Variants in TMED10 observed in about 807,000 individuals in gnomAD.
TMED10 encodes the protein transmembrane emp24 domain-containing protein 10.
TMED10 carries 7 observed loss-of-function variants against 23.1 expected under a neutral mutation model. The observed-to-expected ratio is 0.30, with a 90% CI of 0.17 to 0.57. The LOEUF is 0.57. Ranked by LOEUF, TMED10 falls within the 20% of genes least tolerant of loss-of-function variation. TMED10 has a pLI of 0.91. For synonymous variants in TMED10, 113 were observed against 106.9 expected, an observed-to-expected ratio of 1.06 and a Z score of -0.35; for missense variants, 162 against 274.8, an observed-to-expected ratio of 0.59 and a Z score of 2.90.
chr14:75,168,255 T>G (rs1896188830), intron 1 of TMED10, among the ~76,000 whole-genome samples: 1 of 152,158 alleles, frequency 6.6e-6, no homozygotes, highest in Admixed American at 6.5e-5. Flanking sequence ...TTCTATTATT[T>G]TAACTTGTTT....
At chr14:75,138,812 CTTTTTTTTTTTTT>C (rs59707221) in intron 3 of TMED10, among the ~76,000 whole-genome samples, 1 of 95,052 alleles carries the variant, frequency 1.1e-5, no homozygotes, top group Non-Finnish European at 2.1e-5. Flanking sequence ...GCCTTTGCTT[CTTTTTTTTTTTTT>C]TTTTTTTATT....
At chr14:75,152,998 T>G (rs1188998362) in intron 1 of TMED10, among the ~76,000 whole-genome samples, 1 of 152,204 alleles carries the variant, frequency 6.6e-6, no homozygotes, top group African/African-American at 2.4e-5. Flanking sequence ...GGCATATGCC[T>G]GTAGTCCCAG....
rs1189166410 is a variant in TMED10, at chr14:75,153,774, T to C, written c.226-1631A>G. On this transcript the variant is annotated intron_variant, in intron 1 of 4. Transcript: ENST00000303575. ...AGGGGTGAGACTTTCTATTTTTTTT[T>C]CCCTTTTTTTTTTTGAAATGGAGTC... 8.1e-4 allele frequency among the ~76,000 whole-genome samples: 97 copies of C among 119,988 alleles called. 1 individual carries two copies. The highest frequency in any genetic ancestry group is 2.3e-3 in the African/African-American group (84 of 35,778). 78.7% of individuals were successfully genotyped at this position (119,988 alleles called of 152,430 possible).
At position 75,133,441 on chromosome 14, in the gene TMED10, A is replaced by C. The variant is rs900272840; in HGVS notation, c.*1444T>G. The C allele has an allele frequency of 3.3e-5, 5 of 152,262 alleles. No individual in the cohort carries two copies. Among genetic ancestry groups the C allele is most frequent in the African/African-American group, 1.2e-4 (5 of 41,466 alleles). 9.4% of individuals were successfully genotyped at this position (152,262 alleles called of 1,614,324 possible). ...GCAAATTAAAACCACATGTGGTATC[A>C]TTACACACATCTATGTGAATGGTTA... On this transcript the variant is annotated 3_prime_UTR_variant, in exon 5 of 5. Coordinates refer to ENST00000303575, the MANE Select transcript of TMED10 (RefSeq NM_006827.6).
In TMED10 at chr14:75,134,310, T is replaced by G. The variant is rs189896469; in HGVS notation, c.*575A>C. On this transcript the variant is annotated 3_prime_UTR_variant, in exon 5 of 5. Coordinates refer to ENST00000303575, the MANE Select transcript of TMED10 (RefSeq NM_006827.6). ...CATTTTCTTTAAGAGTTATCTACAGTTCAAAGCTCACTTTTATGAGGTGTC... is the reference window on the plus strand; with the variant it reads ...CATTTTCTTTAAGAGTTATCTACAGGTCAAAGCTCACTTTTATGAGGTGTC... The G allele has an allele frequency of 1.3e-5, 2 of 154,384 alleles. No individual in the cohort carries two copies. The highest frequency in any genetic ancestry group is 3.8e-4 in the East Asian group (2 of 5,216). The allele number at this position is 154,384 out of a possible 1,614,324, so 9.6% of individuals were successfully genotyped here. A position where few individuals can be genotyped will look rare whatever the true frequency, so the allele number is the denominator to read the frequency against.
rs561961958 is a variant in TMED10 at position 75,134,271 on chromosome 14, A to G, written c.*614T>C. On this transcript the variant is annotated 3_prime_UTR_variant, in exon 5 of 5. Coordinates refer to ENST00000303575, the MANE Select transcript of TMED10 (RefSeq NM_006827.6). ...CAAGCAGTTGAGCACAAATATTTTAATTGTCTAAAATGACATTTTCTTTAA... is the reference window on the plus strand; with the variant it reads ...CAAGCAGTTGAGCACAAATATTTTAGTTGTCTAAAATGACATTTTCTTTAA... The G allele has an allele frequency of 1.3e-5, 2 of 154,166 alleles. No individual in the cohort carries two copies. Among genetic ancestry groups the G allele is most frequent in the East Asian group, 1.9e-4 (1 of 5,206 alleles). The allele number at this position is 154,166 out of a possible 1,614,324, so 9.5% of individuals were successfully genotyped here.
chr14:75,134,894 C>T lies in TMED10; in HGVS notation c.651G>A (p.Leu217=). The change falls in exon 5 of 5, where the codon TTG becomes TTA. Residue 217 remains leucine, a synonymous_variant. Coordinates refer to ENST00000303575, the MANE Select transcript of TMED10 (RefSeq NM_006827.6). ...GAATATGCCTCATTCATTACTCAAT[C>T]AATTTCTTGGCCTTGAAGAAGCGTC... ...YLRRFFKAKK[L]IE The T allele has an allele frequency of 6.2e-7, 1 of 1,613,952 alleles. No homozygotes were observed. The highest frequency in any genetic ancestry group is 2.2e-5 in the East Asian group (1 of 44,878).
chr14:75,139,151 CT>C, intron 3 of TMED10: 1 of 452,334 alleles, frequency 2.2e-6, no homozygotes, highest in South Asian at 1.6e-5. Context: ...CTTTCCACAC[CT>C]TTTCTTCTGA....
In TMED10 at chr14:75,134,920, G is replaced by C; in HGVS notation, c.625C>G (p.Arg209Gly). 6.2e-7 allele frequency: 1 copy of C among 1,614,004 alleles called. No individual in the cohort carries two copies. Among genetic ancestry groups the C allele is most frequent in the Non-Finnish European group, 8.5e-7 (1 of 1,179,970 alleles). Reference protein sequence around the residue: ...GLATWQVFYLRRFFKAKKLIE With the variant: ...GLATWQVFYLGRFFKAKKLIE ...AATTTCTTGGCCTTGAAGAAGCGTC[G>C]CAGGTAGAAGACCTGCCAGGTAGCT... The change falls in exon 5 of 5, where the codon CGA (arginine) becomes GGA (glycine). Residue 209 changes from arginine to glycine, a missense_variant. This residue lies in a region of TMED10 where 126 missense variants were observed against 239.5 expected (regional missense o/e 0.53). Transcript: ENST00000303575.
chr14:75,171,952 A>G (rs1896239517), intron 1 of TMED10, among the ~76,000 whole-genome samples: 1 of 151,100 alleles, frequency 6.6e-6, no homozygotes, highest in African/African-American at 2.4e-5. Context: ...TTTACACTTT[A>G]AGTTCTGGAG....
intron 1 of TMED10, among the ~76,000 whole-genome samples, chr14:75,161,290 G>T: frequency 6.6e-6 from 1 of 152,004 alleles, no homozygotes; most frequent in East Asian, 1.9e-4. Flanking sequence ...AACTTCAAAA[G>T]GATCTATAAG....
At chr14:75,150,791 T>C (rs185935279) in intron 2 of TMED10, among the ~76,000 whole-genome samples, 8 of 152,364 alleles carry the variant, frequency 5.3e-5, no homozygotes, top group Admixed American at 5.2e-4. Flanking sequence ...ATACAGTCTC[T>C]TGCATAGAAC....
rs927954780 is a variant in TMED10 at position 75,152,289 on chromosome 14, A to T, written c.226-146T>A. ...TATGTTCCAACCATCCCCAAAGACA[A>T]AAACTGGATTAGAAGATTAAATCCA... On this transcript the variant is annotated intron_variant, in intron 1 of 4. Coordinates refer to ENST00000303575, the MANE Select transcript of TMED10 (RefSeq NM_006827.6). 1.6e-5 allele frequency: 10 copies of T among 637,488 alleles called. 1 individual carries two copies. The highest frequency in any genetic ancestry group is 5.4e-4 in the Middle Eastern group (2 of 3,720). 39.5% of individuals were successfully genotyped at this position (637,488 alleles called of 1,614,324 possible). A position where few individuals can be genotyped will look rare whatever the true frequency, so the allele number is the denominator to read the frequency against.
intron 1 of TMED10, among the ~76,000 whole-genome samples, chr14:75,165,833 G>A (rs1365587685): frequency 1.3e-5 from 2 of 152,132 alleles, no homozygotes; most frequent in African/African-American, 4.8e-5. Flanking sequence ...GATCAAGGAG[G>A]CTAGGAGGCT....
intron 1 of TMED10, among the ~76,000 whole-genome samples, chr14:75,152,796 G>A (rs533069130): frequency 8.5e-5 from 13 of 152,290 alleles, no homozygotes; most frequent in African/African-American, 2.6e-4. Context: ...ACTTTGGAAC[G>A]CCAAGGCAGG....
At chr14:75,175,624 G>A (rs1193124096) in intron 1 of TMED10, among the ~76,000 whole-genome samples, 1 of 151,842 alleles carries the variant, frequency 6.6e-6, no homozygotes, top group Non-Finnish European at 1.5e-5. Context: ...ATAGCATTAG[G>A]AGACATACCT....
intron 1 of TMED10, 146 bp from the exon 2 acceptor site, chr14:75,152,289 A>ATCCCC: frequency 1.6e-6 from 1 of 637,606 alleles, no homozygotes. Context: ...CCCAAAGACA[A>ATCCCC]AAACTGGATT....
Position 75,156,916 on chromosome 14 carries a change from A to AAAAG in TMED10, c.226-4774_226-4773insCTTT, listed in dbSNP as rs1896026035. Among the ~76,000 whole-genome samples, 6 of 135,578 alleles carry AAAAG rather than the reference A, an allele frequency of 4.4e-5. No individual in the cohort carries two copies. The East Asian group carries it at 1.3e-3, about 29-fold the overall frequency. The allele number at this position is 135,578 out of a possible 152,430, so 88.9% of individuals were successfully genotyped here. ...TGACAGAGCAAGACTCCGTCTCAAA[A>AAAAG]AAAAGAAAAGAAAAGAAAAGAAAAG... On this transcript the variant is annotated intron_variant, in intron 1 of 4. Coordinates refer to ENST00000303575, the MANE Select transcript of TMED10 (RefSeq NM_006827.6).
chr14:75,137,499 C>T (rs1208658839), intron 3 of TMED10, among the ~76,000 whole-genome samples: 3 of 147,504 alleles, frequency 2.0e-5, no homozygotes, highest in Non-Finnish European at 3.0e-5. Context: ...GGTGAAACCC[C>T]GTCTCTACTA....
Sources: gnomAD v4.1 joint callset for allele counts (sites outside exome capture counted in the v4.1 genomes callset) on GRCh38, gnomAD v4.1.1 for gene constraint, gnomAD v4.1.1 regional missense constraint, MANE v1.5 for transcripts, NCBI Gene and HGNC (gene_info 2026-07-23, HGNC 2026-07-21) for gene names.